Variants in XKR6 observed in about 807,000 individuals in gnomAD.
XKR6 encodes the protein XK-related protein 6.
XKR6 carries 22 observed loss-of-function variants against 56.7 expected under a neutral mutation model. The ratio of observed to expected loss-of-function variants is 0.39; its 90% CI spans 0.28 to 0.55. The LOEUF is 0.55. XKR6 is among the 20% of genes least tolerant of loss of function. The pLI is 0.66. For missense variants in XKR6, 852 were observed against 889.0 expected (o/e 0.96, Z 0.53); for synonymous variants, 524 against 387.8 (o/e 1.35, Z -4.13).
chr8:11,077,168 C>G (rs755810066), intron 1 of XKR6, among the ~76,000 whole-genome samples: 7 of 152,152 alleles, frequency 4.6e-5, no homozygotes, highest in Non-Finnish European at 8.8e-5. Context: ...CAGAGCAAGA[C>G]TCTGTCTCTA....
chr8:11,091,558 G>A (rs1798074813), intron 1 of XKR6, among the ~76,000 whole-genome samples: 1 of 152,190 alleles, frequency 6.6e-6, no homozygotes, highest in Non-Finnish European at 1.5e-5. Flanking sequence ...AGAGAAGGCT[G>A]TGTCCAGGCT....
chr8:10,970,805 T>TAAAAAAAAAA (rs34166964), intron 1 of XKR6, among the ~76,000 whole-genome samples: 1 of 133,122 alleles, frequency 7.5e-6, no homozygotes, highest in African/African-American at 2.7e-5. Context: ...AAAGGATCCT[T>TAAAAAAAAAA]AAAAAAAAAA....
intron 1 of XKR6, among the ~76,000 whole-genome samples, chr8:11,076,902 C>T (rs560663057): frequency 1.4e-4 from 22 of 152,260 alleles, no homozygotes; most frequent in African/African-American, 4.1e-4. Context: ...GCTGGCTGAG[C>T]GCGGTGGCTC....
chr8:11,113,504 ACAT>A (rs2129180548), intron 1 of XKR6, among the ~76,000 whole-genome samples: 1 of 152,368 alleles, frequency 6.6e-6, no homozygotes, highest in Non-Finnish European at 1.5e-5. Context: ...CTCCAAAGGC[ACAT>A]CATATTTTAA....
chr8:11,163,435 G>C (rs1267349335), intron 1 of XKR6, among the ~76,000 whole-genome samples: 3 of 152,070 alleles, frequency 2.0e-5, no homozygotes, highest in African/African-American at 4.8e-5. Context: ...TCCTCACCTA[G>C]AATCAAAAAG....
chr8:11,015,053 G>C (rs1798587012), intron 1 of XKR6, among the ~76,000 whole-genome samples: 1 of 152,192 alleles, frequency 6.6e-6, no homozygotes, highest in African/African-American at 2.4e-5. Context: ...TGTTCCCTCA[G>C]ATTCCCAGAA....
At chr8:11,018,242 CTG>C (rs1798671757) in intron 1 of XKR6, among the ~76,000 whole-genome samples, 1 of 142,488 alleles carries the variant, frequency 7.0e-6, no homozygotes, top group Admixed American at 7.5e-5. Context: ...TCAGCTAAGA[CTG>C]TAACTGGTTA....
At chr8:10,902,412 G>C (rs149975100) in intron 2 of XKR6, among the ~76,000 whole-genome samples, 2 of 152,294 alleles carry the variant, frequency 1.3e-5, no homozygotes, top group Admixed American at 6.5e-5. Flanking sequence ...GGCTTGGGTG[G>C]CTTGCTCAAG....
intron 1 of XKR6, among the ~76,000 whole-genome samples, chr8:10,977,240 C>A (rs1333053086): frequency 6.6e-6 from 1 of 152,110 alleles, no homozygotes; most frequent in African/African-American, 2.4e-5. Context: ...GGAGGGGTGG[C>A]CTGCCTGAAA....
At position 11,200,711 on chromosome 8, in the gene XKR6, C is replaced by A; in HGVS notation, c.629G>T (p.Gly210Val). 3 of 1,586,384 alleles carry A rather than the reference C, an allele frequency of 1.9e-6. No individual in the cohort carries two copies. Among genetic ancestry groups the A allele is most frequent in the Non-Finnish European group, 1.7e-6 (2 of 1,171,394 alleles). Reference protein sequence around the residue: ...TSRGPPMMGAGYVHGAARGGP... With the variant: ...TSRGPPMMGAVYVHGAARGGP... ...ACCGCGGGCCGCGCCGTGGACGTAGCCGGCCCCCATCATGGGGGGGCCCCG... is the reference window on the plus strand; with the variant it reads ...ACCGCGGGCCGCGCCGTGGACGTAGACGGCCCCCATCATGGGGGGGCCCCG... Residue 210 changes from glycine (G) to valine (V), a missense_variant, in exon 1 of 3, where the codon GGC (glycine) becomes GTC (valine). Transcript: ENST00000416569. The surrounding 1 kb of genome is among the most constrained non-coding windows in gnomAD (Gnocchi z 6.4).
chr8:11,063,008 T>G (rs1799879278), intron 1 of XKR6: 2 of 359,496 alleles, frequency 5.6e-6, no homozygotes, highest in South Asian at 2.1e-5. Context: ...TCTTGAATCC[T>G]CACATGGAAT....
At chr8:11,118,725 G>A (rs1483558869) in intron 1 of XKR6, among the ~76,000 whole-genome samples, 1 of 151,994 alleles carries the variant, frequency 6.6e-6, no homozygotes, top group Non-Finnish European at 1.5e-5. Context: ...CTTGCTAGTG[G>A]TCTATCAATT....
At chr8:11,105,215 C>A (rs979127284) in intron 1 of XKR6, 1 of 152,102 alleles carries the variant, frequency 6.6e-6, no homozygotes, top group Admixed American at 6.5e-5. Context: ...TCTGACTTCA[C>A]AAACCAGTAA....
chr8:10,988,038 C>CA (rs1272180100), intron 1 of XKR6, among the ~76,000 whole-genome samples: 21 of 152,162 alleles, frequency 1.4e-4, no homozygotes, highest in African/African-American at 3.9e-4. Context: ...AAACAAAAAA[C>CA]AAAAAACATT....
rs950335803 is a variant in XKR6 at position 11,200,455 on chromosome 8, G to A, written c.764+121C>T. On this transcript the variant is annotated intron_variant, in intron 1 of 2. Transcript: ENST00000416569. The surrounding 1 kb of genome is among the most constrained non-coding windows in gnomAD (Gnocchi z 6.4). ...TTTGGAGACGCCAGGGGCGGCGCGCGGCCGGTCCCTCCTTCGAGCCCCCCG... is the reference window on the plus strand; with the variant it reads ...TTTGGAGACGCCAGGGGCGGCGCGCAGCCGGTCCCTCCTTCGAGCCCCCCG... The A allele has an allele frequency of 8.1e-7, 1 of 1,240,746 alleles. No homozygotes were observed. Among genetic ancestry groups the A allele is most frequent in the Non-Finnish European group, 1.0e-6 (1 of 968,652 alleles). 76.9% of individuals were successfully genotyped at this position (1,240,746 alleles called of 1,614,324 possible).
chr8:11,191,239 C>T (rs1373492401), intron 1 of XKR6, among the ~76,000 whole-genome samples: 3 of 152,186 alleles, frequency 2.0e-5, no homozygotes, highest in Non-Finnish European at 4.4e-5. Context: ...TACCAGGGAG[C>T]CTGTTTAAAA....
At chr8:11,060,390 T>C (rs759924292) in intron 1 of XKR6, among the ~76,000 whole-genome samples, 1 of 152,110 alleles carries the variant, frequency 6.6e-6, no homozygotes, top group Non-Finnish European at 1.5e-5. Context: ...CCCTAGACCA[T>C]GCTAAACCTA....
intron 1 of XKR6, among the ~76,000 whole-genome samples, chr8:11,180,779 C>G (rs907910641): frequency 6.6e-6 from 1 of 151,908 alleles, no homozygotes; most frequent in African/African-American, 2.4e-5. Flanking sequence ...TGGTGGCCTG[C>G]ACCTGTAGTC....
In XKR6 at chr8:11,157,165, C is replaced by G. The variant is rs138495657; in HGVS notation, c.764+43411G>C. 2.0e-5 allele frequency among the ~76,000 whole-genome samples: 3 copies of G among 152,266 alleles called. No homozygotes were observed. In the East Asian group the frequency reaches 5.8e-4, roughly 29 times the overall value. ...CCTGACCAGCAAGCCTCCAAACTGT[C>G]AGGGTGATGAAAAGCAAGGAAAGAC... is the stretch of plus-strand genomic sequence containing the variant. On this transcript the variant is annotated intron_variant, in intron 1 of 2. Coordinates refer to ENST00000416569, the MANE Select transcript of XKR6 (RefSeq NM_173683.4).
Sources: allele counts gnomAD v4.1 joint callset (sites outside exome capture counted in the v4.1 genomes callset), GRCh38; gene constraint gnomAD v4.1.1; non-coding constraint Gnocchi (gnomAD v3.1); transcripts MANE v1.5; gene names NCBI Gene and HGNC (gene_info 2026-07-23, HGNC 2026-07-21).